Variants in NCKAP5 observed in about 807,000 individuals in gnomAD.
NCKAP5 encodes the protein NCK associated protein 5.
A neutral mutation model predicts 167.0 loss-of-function variants in NCKAP5; 92 were observed. The observed-to-expected ratio is 0.55, with a 90% CI of 0.47 to 0.66. The LOEUF is 0.66. Ranked by LOEUF, NCKAP5 falls within the 30% of genes least tolerant of loss-of-function variation. The pLI is 0.00. For missense variants in NCKAP5, 2,378 were observed against 2,315.0 expected, an observed-to-expected ratio of 1.03 and a Z score of -0.56; for synonymous variants, 891 against 877.4, an observed-to-expected ratio of 1.02 and a Z score of -0.27.
chr2:132,743,904 T>C (rs530545914), intron 16 of NCKAP5, among the ~76,000 whole-genome samples: 2 of 151,730 alleles, frequency 1.3e-5, no homozygotes, highest in South Asian at 4.1e-4. Context: ...TATGCTAATA[T>C]CAGAAAATGT....
chr2:133,122,954 T>C (rs1419103358), intron 6 of NCKAP5: 1 of 152,168 alleles, frequency 6.6e-6, no homozygotes, highest in African/African-American at 2.4e-5. Context: ...ATGAGCAAAT[T>C]GAGACCCAAA....
At chr2:132,949,043 A>T (rs1168344554) in intron 8 of NCKAP5, among the ~76,000 whole-genome samples, 1 of 139,010 alleles carries the variant, frequency 7.2e-6, no homozygotes, top group Non-Finnish European at 1.5e-5. Flanking sequence ...AGAAAAGAAA[A>T]GAAAAGAAAC....
chr2:132,946,539 C>A (rs1390787801), intron 8 of NCKAP5, among the ~76,000 whole-genome samples: 1 of 152,104 alleles, frequency 6.6e-6, no homozygotes, highest in Non-Finnish European at 1.5e-5. Flanking sequence ...GAAAAGCTGA[C>A]AAGGAAATGA....
At chr2:133,655,609 C>T in the NCKAP5 span, among the ~76,000 whole-genome samples, 1 of 152,138 alleles carries the variant, frequency 6.6e-6, no homozygotes, top group Non-Finnish European at 1.5e-5. Flanking sequence ...CCTTGCCCTT[C>T]CTTCTGATAC....
At chr2:133,292,280 C>A (rs1267459734) in intron 4 of NCKAP5, among the ~76,000 whole-genome samples, 1 of 151,568 alleles carries the variant, frequency 6.6e-6, no homozygotes, top group East Asian at 1.9e-4. Context: ...TGGTAAATTA[C>A]CCATTTCATT....
At chr2:133,497,157 A>G (rs558345675) in intron 3 of NCKAP5, among the ~76,000 whole-genome samples, 75 of 152,364 alleles carry the variant, frequency 4.9e-4, no homozygotes, top group African/African-American at 1.7e-3. Flanking sequence ...CCAATTTTAA[A>G]AGATTAGCAT....
At chr2:133,066,432 G>C (rs2080198148) in intron 6 of NCKAP5, among the ~76,000 whole-genome samples, 1 of 152,100 alleles carries the variant, frequency 6.6e-6, no homozygotes, top group South Asian at 2.1e-4. Context: ...TCTTAAGTTG[G>C]ATTTTGCCAA....
chr2:133,364,426 C>T (rs958771600), intron 3 of NCKAP5, among the ~76,000 whole-genome samples: 4 of 152,112 alleles, frequency 2.6e-5, no homozygotes, highest in African/African-American at 9.7e-5. Flanking sequence ...AAACATAGTA[C>T]AGAATTCTCT....
rs184417171 is a variant in NCKAP5, at chr2:133,411,120, T to C, written c.69+106338A>G. 4.4e-3 allele frequency among the ~76,000 whole-genome samples: 666 copies of C among 152,324 alleles called. 5 individuals are homozygous for C. Among genetic ancestry groups the C allele is most frequent in the African/African-American group, 0.015 (626 of 41,564 alleles). ...TCTGTTAGCCTTGTTTTGTCACTTA[T>C]AAAATGAGGATCATAATGATCCATC... is the stretch of plus-strand genomic sequence containing the variant. On this transcript the variant is annotated intron_variant, in intron 3 of 19. Coordinates refer to ENST00000409261, the MANE Select transcript of NCKAP5 (RefSeq NM_207363.3).
At chr2:132,859,108 G>C (rs905457274) in intron 11 of NCKAP5, among the ~76,000 whole-genome samples, 1 of 152,118 alleles carries the variant, frequency 6.6e-6, no homozygotes, top group African/African-American at 2.4e-5. Flanking sequence ...AATAGAGATA[G>C]ATGACTTCGC....
intron 5 of NCKAP5, among the ~76,000 whole-genome samples, chr2:133,160,010 A>G (rs1413326427): frequency 1.3e-5 from 2 of 152,228 alleles, no homozygotes; most frequent in East Asian, 3.8e-4. Flanking sequence ...CTGGTCTTCA[A>G]TCAGAGTACC....
intron 4 of NCKAP5, among the ~76,000 whole-genome samples, chr2:133,283,816 G>A (rs2090012750): frequency 6.6e-6 from 1 of 151,984 alleles, no homozygotes; most frequent in East Asian, 1.9e-4. Context: ...TCACCATGTT[G>A]GCCAGGCTGG....
intron 5 of NCKAP5, among the ~76,000 whole-genome samples, chr2:133,137,842 G>A (rs895315617): frequency 6.6e-6 from 1 of 152,216 alleles, no homozygotes; most frequent in African/African-American, 2.4e-5. Context: ...GCGCAGAGGG[G>A]TGCCTCCTTG....
intron 4 of NCKAP5, among the ~76,000 whole-genome samples, chr2:133,283,965 C>T (rs1228018484): frequency 6.6e-6 from 1 of 152,072 alleles, no homozygotes; most frequent in East Asian, 1.9e-4. Context: ...ATCCAGTGAT[C>T]AAATGATTTC....
At chr2:132,984,878 A>G (rs1333486848) in intron 7 of NCKAP5, among the ~76,000 whole-genome samples, 1 of 149,866 alleles carries the variant, frequency 6.7e-6, no homozygotes, top group Non-Finnish European at 1.5e-5. Context: ...TGTTTCTTAG[A>G]CCAGGAAATA....
intron 3 of NCKAP5, among the ~76,000 whole-genome samples, chr2:133,500,767 G>A (rs148770968): frequency 9.9e-5 from 15 of 152,266 alleles, no homozygotes; most frequent in African/African-American, 2.6e-4. Context: ...ATCTTTATAC[G>A]TAAGTTTATT....
intron 11 of NCKAP5, among the ~76,000 whole-genome samples, chr2:132,807,962 T>G (rs1320360736): frequency 6.6e-6 from 1 of 152,146 alleles, no homozygotes; most frequent in East Asian, 1.9e-4. Flanking sequence ...GTTTTAATCA[T>G]AAAGGGATGC....
intron 1 of NCKAP5, 129 bp from the exon 2 acceptor site, chr2:133,559,246 G>T (rs1277744285): frequency 1.3e-5 from 2 of 152,076 alleles, no homozygotes; most frequent in African/African-American, 2.4e-5. Flanking sequence ...TATCTCAGTG[G>T]TCTGTTTTAA....
Position 132,707,822 on chromosome 2 carries a change from G to T in NCKAP5, c.5713+17805C>A, listed in dbSNP as rs151037961. The stretch of plus-strand genomic sequence containing the variant: ...CCACTTGAGGAGAGGAGAGGGAAGA[G>T]TAAAGAAGACTTTGTCTTGCAACTT... On this transcript the variant is annotated intron_variant, in intron 19 of 19. Transcript: ENST00000409261. Among the ~76,000 whole-genome samples the T allele has an allele frequency of 3.1e-3, 467 of 152,298 alleles. 1 individual carries two copies. Among genetic ancestry groups the T allele is most frequent in the African/African-American group, 0.01 (433 of 41,562 alleles).
Sources: gnomAD v4.1 joint callset for allele counts (sites outside exome capture counted in the v4.1 genomes callset) on GRCh38, gnomAD v4.1.1 for gene constraint, MANE v1.5 for transcripts, NCBI Gene and HGNC (gene_info 2026-07-23, HGNC 2026-07-21) for gene names.